GRAP2: variants seen among roughly 807,000 people sequenced by gnomAD.
GRAP2 encodes GRB2 related adaptor protein 2.
In GRAP2, 31 loss-of-function variants were observed where a neutral mutation model predicts 43.5. That is an observed-to-expected ratio of 0.71 (90% CI 0.54 to 0.96). The LOEUF is 0.96. Ranked by LOEUF, GRAP2 falls within the 40% of genes least tolerant of loss-of-function variation. GRAP2 has a pLI of 0.00. For missense variants in GRAP2, 371 were observed against 424.4 expected (o/e 0.87, Z 1.11); for synonymous variants, 156 against 164.8 (o/e 0.95, Z 0.41).
chr22:39,910,146 T>C (rs2066549419), intron 1 of GRAP2, among the ~76,000 whole-genome samples: 1 of 152,202 alleles, frequency 6.6e-6, no homozygotes, highest in Admixed American at 6.5e-5. Flanking sequence ...CGCCTCTGAT[T>C]GGACTCTAGC....
rs569467498 is a variant in GRAP2 at position 39,947,052 on chromosome 22, C to A, written c.-14-41C>A. 4 of 1,144,474 alleles carry A rather than the reference C, an allele frequency of 3.5e-6. No homozygotes were observed. In the African/African-American group the frequency reaches 6.0e-5, roughly 17 times the overall value. The allele number at this position is 1,144,474 out of a possible 1,614,324, so 70.9% of individuals were successfully genotyped here. A position where few individuals can be genotyped will look rare whatever the true frequency, so the allele number is the denominator to read the frequency against. On this transcript the variant is annotated intron_variant, in intron 1 of 7. Transcript: ENST00000344138. ...GCACCATCGGCTCTGCTGCCCTCCCCCTGGCAGAGAGGCACAATGACCACA... is the reference window on the plus strand; with the variant it reads ...GCACCATCGGCTCTGCTGCCCTCCCACTGGCAGAGAGGCACAATGACCACA...
chr22:39,894,879 G>A, the GRAP2 span, among the ~76,000 whole-genome samples: 1 of 152,212 alleles, frequency 6.6e-6, no homozygotes, highest in Non-Finnish European at 1.5e-5. Context: ...CTGCCACTGA[G>A]TATTTAAGGG....
intron 1 of GRAP2, among the ~76,000 whole-genome samples, chr22:39,938,388 G>A (rs1056593487): frequency 1.3e-5 from 2 of 152,196 alleles, no homozygotes; most frequent in Non-Finnish European, 2.9e-5. Context: ...GAAAAATACC[G>A]TATTTATTTG....
At chr22:39,918,432 T>C (rs1381533725) in intron 1 of GRAP2, among the ~76,000 whole-genome samples, 2 of 152,248 alleles carry the variant, frequency 1.3e-5, no homozygotes, top group African/African-American at 4.8e-5. Flanking sequence ...CTTGCCTGAC[T>C]CTGCCATTCA....
chr22:39,902,874 G>A (rs928574187), intron 1 of GRAP2, among the ~76,000 whole-genome samples: 3 of 152,138 alleles, frequency 2.0e-5, no homozygotes, highest in African/African-American at 7.2e-5. Flanking sequence ...AATGCAAGGC[G>A]ATATCATGAT....
chr22:39,932,548 CAAAA>C (rs137982), intron 1 of GRAP2, among the ~76,000 whole-genome samples: 3 of 43,412 alleles, frequency 6.9e-5, no homozygotes, highest in Non-Finnish European at 9.3e-5. Flanking sequence ...CCTGTCTCTA[CAAAA>C]AAAAAAAAAA....
chr22:39,940,790 A>C (rs1264111633), intron 1 of GRAP2, among the ~76,000 whole-genome samples: 1 of 152,182 alleles, frequency 6.6e-6, no homozygotes, highest in Non-Finnish European at 1.5e-5. Flanking sequence ...GAATTCTTTG[A>C]CATCTAAGCA....
intron 4 of GRAP2, chr22:39,964,508 C>A: frequency 9.8e-7 from 1 of 1,019,738 alleles, no homozygotes; most frequent in Non-Finnish European, 1.5e-6. Flanking sequence ...GTGCTAAAAG[C>A]GAAGGTCGTG....
At chr22:39,899,638 G>A (rs189317095), upstream of GRAP2, among the ~76,000 whole-genome samples, 1 of 152,182 alleles carries the variant, frequency 6.6e-6, no homozygotes, top group East Asian at 1.9e-4. Flanking sequence ...ATATAACCAG[G>A]ATTTAAGAAA....
chr22:39,909,959 C>T (rs1354662462), intron 1 of GRAP2, among the ~76,000 whole-genome samples: 1 of 152,172 alleles, frequency 6.6e-6, no homozygotes, highest in African/African-American at 2.4e-5. Flanking sequence ...ATGGGGAATC[C>T]AGAAACTAAA....
At chr22:39,957,914 C>T (rs915962681) in intron 3 of GRAP2, among the ~76,000 whole-genome samples, 18 of 151,744 alleles carry the variant, frequency 1.2e-4, no homozygotes, top group Non-Finnish European at 2.4e-4. Flanking sequence ...CCAGCCTGGG[C>T]AGCAGAGAGA....
At chr22:39,899,928 G>T (rs1043580404), upstream of GRAP2, among the ~76,000 whole-genome samples, 3 of 152,116 alleles carry the variant, frequency 2.0e-5, no homozygotes, top group Admixed American at 1.3e-4. Flanking sequence ...GGAGGTTGCA[G>T]TGAGCCAAGA....
intron 1 of GRAP2, among the ~76,000 whole-genome samples, chr22:39,915,957 CT>C (rs1428230510): frequency 6.6e-6 from 1 of 152,178 alleles, no homozygotes. Context: ...CATACACTCT[CT>C]TCTGAGGACT....
At chr22:39,894,364 C>G in the GRAP2 span, among the ~76,000 whole-genome samples, 1 of 127,962 alleles carries the variant, frequency 7.8e-6, no homozygotes, top group Non-Finnish European at 1.5e-5. Context: ...GGGAATTGAA[C>G]AATGAGAACA....
chr22:39,956,625 C>T (rs996179491), intron 3 of GRAP2, among the ~76,000 whole-genome samples: 1 of 151,622 alleles, frequency 6.6e-6, no homozygotes, highest in East Asian at 2.1e-4. Context: ...CATGCCACCA[C>T]ACCCAGCTAA....
chr22:39,951,414 A>G (rs1280158481), intron 2 of GRAP2, among the ~76,000 whole-genome samples: 1 of 152,238 alleles, frequency 6.6e-6, no homozygotes, highest in African/African-American at 2.4e-5. Context: ...ATAGCAACCT[A>G]AAAGCACTAA....
At chr22:39,951,937 C>G (rs1194717700) in intron 2 of GRAP2, among the ~76,000 whole-genome samples, 1 of 151,838 alleles carries the variant, frequency 6.6e-6, no homozygotes, top group Admixed American at 6.6e-5. Flanking sequence ...GATAATCTTT[C>G]AGTTTCTAGA....
upstream of GRAP2, among the ~76,000 whole-genome samples, chr22:39,897,173 C>A (rs2066469238): frequency 6.6e-6 from 1 of 152,138 alleles, no homozygotes; most frequent in African/African-American, 2.4e-5. Flanking sequence ...CCTGGTCTTG[C>A]CTTCCAAACC....
In GRAP2 at chr22:39,909,776, C is replaced by A. The variant is rs554078345; in HGVS notation, c.-15+8446C>A. Among the ~76,000 whole-genome samples, 215 of 152,300 alleles carry A rather than the reference C, an allele frequency of 1.4e-3. 3 individuals are homozygous for A. Among genetic ancestry groups the A allele is most frequent in the Non-Finnish European group, 6.8e-4 (46 of 68,020 alleles). ...TCAAGATGGAGATTTTTAGAAAGAA[C>A]TTCTTGAAGGAGGTGCATCTGTAGG... is the stretch of plus-strand genomic sequence containing the variant. On this transcript the variant is annotated intron_variant, in intron 1 of 7. Coordinates refer to ENST00000344138, the MANE Select transcript of GRAP2 (RefSeq NM_004810.4).
Sources: allele counts gnomAD v4.1 joint callset (sites outside exome capture counted in the v4.1 genomes callset), GRCh38; gene constraint gnomAD v4.1.1; transcripts MANE v1.5; gene names NCBI Gene and HGNC (gene_info 2026-07-23, HGNC 2026-07-21).